The following ZDHHC14 variants were observed in gnomAD, a reference collection of about 807,000 sequenced individuals.
ZDHHC14 encodes the protein palmitoyltransferase ZDHHC14.
Under a neutral mutation model 47.7 loss-of-function variants are expected in ZDHHC14, and 16 were observed. The ratio of observed to expected loss-of-function variants is 0.34; its 90% confidence interval spans 0.23 to 0.51. The LOEUF is 0.51. Among genes scored for constraint, ZDHHC14 ranks in the 20% least tolerant of loss-of-function variants. The pLI is 0.97. For missense variants in ZDHHC14, 515 were observed against 662.5 expected (o/e 0.78, Z 2.44); for synonymous variants, 293 against 278.9 (o/e 1.05, Z -0.50).
intron 1 of ZDHHC14, among the ~76,000 whole-genome samples, chr6:157,401,560 G>A (rs530035854): frequency 5.3e-5 from 8 of 151,212 alleles, no homozygotes; most frequent in Non-Finnish European, 1.0e-4. Flanking sequence ...CTCCTGCTGA[G>A]GTCTCACTGC....
chr6:157,648,895 C>A (rs181309245), intron 7 of ZDHHC14, among the ~76,000 whole-genome samples: 1 of 152,242 alleles, frequency 6.6e-6, no homozygotes, highest in Non-Finnish European at 1.5e-5. Context: ...CTCTTTCCCC[C>A]ACCTGCAGTG....
At chr6:157,494,518 A>T (rs1292760531) in intron 1 of ZDHHC14, among the ~76,000 whole-genome samples, 1 of 152,212 alleles carries the variant, frequency 6.6e-6, no homozygotes, top group African/African-American at 2.4e-5. Context: ...AGGAAACAAC[A>T]TGTGGCCTGG....
intron 2 of ZDHHC14, among the ~76,000 whole-genome samples, chr6:157,568,229 T>C (rs1782978022): frequency 1.3e-5 from 2 of 152,148 alleles, no homozygotes; most frequent in East Asian, 3.8e-4. Flanking sequence ...GATAGTTTTT[T>C]CTCACTACAA....
chr6:157,537,972 A>C (rs1781601389), intron 1 of ZDHHC14, among the ~76,000 whole-genome samples: 1 of 152,196 alleles, frequency 6.6e-6, no homozygotes, highest in Non-Finnish European at 1.5e-5. Context: ...TGTCTTTACC[A>C]CAAGGACTAC....
At chr6:157,575,736 A>G (rs1283659502) in intron 2 of ZDHHC14, among the ~76,000 whole-genome samples, 1 of 152,134 alleles carries the variant, frequency 6.6e-6, no homozygotes, top group African/African-American at 2.4e-5. Flanking sequence ...TAAAACATAC[A>G]CAGTGTGCAG....
At position 157,427,378 on chromosome 6, in the gene ZDHHC14, G is replaced by A. The variant is rs1036912866; in HGVS notation, c.245+45112G>A. 1.3e-5 allele frequency among the ~76,000 whole-genome samples: 2 copies of A among 152,130 alleles called. No homozygotes were observed. The highest frequency in any genetic ancestry group is 1.5e-5 in the Non-Finnish European group (1 of 68,026). On this transcript the variant is annotated intron_variant, in intron 1 of 8. Coordinates refer to ENST00000359775, the MANE Select transcript of ZDHHC14 (RefSeq NM_024630.3). This position sits in a 1 kb window ranked among gnomAD's most constrained non-coding sequence, Gnocchi z 4.4. ...GAAGGGAAAGTGTCTACAGAGATGC[G>A]CAGGATGCAGGGCCCCGAGGACTGG... is the stretch of plus-strand genomic sequence containing the variant.
At chr6:157,517,321 C>CTCT (rs72212029) in intron 1 of ZDHHC14, among the ~76,000 whole-genome samples, 1 of 145,960 alleles carries the variant, frequency 6.9e-6, no homozygotes, top group African/African-American at 2.5e-5. Context: ...TATAGTATCT[C>CTCT]TTTTTTTTTT....
intron 1 of ZDHHC14, among the ~76,000 whole-genome samples, chr6:157,469,706 A>G (rs554313556): frequency 2.6e-5 from 4 of 152,300 alleles, no homozygotes; most frequent in South Asian, 4.1e-4. Flanking sequence ...CTGCACCTGC[A>G]ATTAGGTGCT....
chr6:157,613,477 CA>C (rs1442072031), intron 3 of ZDHHC14, among the ~76,000 whole-genome samples: 2 of 152,118 alleles, frequency 1.3e-5, no homozygotes, highest in African/African-American at 4.8e-5. Context: ...CTGAGTAGGC[CA>C]AGGATTCCAT....
intron 1 of ZDHHC14, among the ~76,000 whole-genome samples, chr6:157,500,014 A>T (rs947634605): frequency 6.6e-6 from 1 of 152,078 alleles, no homozygotes; most frequent in Non-Finnish European, 1.5e-5. Context: ...GTATAACATA[A>T]TATCAGATTA....
At chr6:157,618,799 C>CA (rs1430145066) in intron 3 of ZDHHC14, among the ~76,000 whole-genome samples, 8 of 152,252 alleles carry the variant, frequency 5.3e-5, no homozygotes, top group Admixed American at 5.2e-4. Flanking sequence ...GATGACCCTC[C>CA]ACACACTATA....
intron 2 of ZDHHC14, among the ~76,000 whole-genome samples, chr6:157,564,353 T>A (rs898818844): frequency 2.6e-5 from 4 of 151,966 alleles, no homozygotes; most frequent in African/African-American, 4.8e-5. Flanking sequence ...AGAAGTGGGG[T>A]TGGGGGGAAG....
At chr6:157,599,388 ACT>A (rs1487680203) in intron 3 of ZDHHC14, among the ~76,000 whole-genome samples, 2 of 152,084 alleles carry the variant, frequency 1.3e-5, no homozygotes, top group African/African-American at 2.4e-5. Flanking sequence ...TCTCGACGAA[ACT>A]CTGACTGTCT....
intron 5 of ZDHHC14, among the ~76,000 whole-genome samples, chr6:157,638,839 G>T (rs1158928719): frequency 6.6e-6 from 1 of 151,818 alleles, no homozygotes; most frequent in African/African-American, 2.4e-5. Flanking sequence ...GAGAGGCAGT[G>T]GCAGGGACCT....
intron 3 of ZDHHC14, among the ~76,000 whole-genome samples, chr6:157,601,380 C>T (rs1784330797): frequency 6.6e-6 from 1 of 152,008 alleles, no homozygotes; most frequent in African/African-American, 2.4e-5. Flanking sequence ...AAATATATAA[C>T]TATCAAAAAA....
chr6:157,525,305 C>T (rs562188583), intron 1 of ZDHHC14, among the ~76,000 whole-genome samples: 24 of 152,286 alleles, frequency 1.6e-4, no homozygotes, highest in Admixed American at 1.3e-3. Context: ...GGACTACAGG[C>T]GTGCATCACC....
intron 1 of ZDHHC14, among the ~76,000 whole-genome samples, chr6:157,520,253 T>G (rs1780866573): frequency 6.6e-6 from 1 of 152,206 alleles, no homozygotes; most frequent in African/African-American, 2.4e-5. Flanking sequence ...CCCCCTCTGC[T>G]CTTGCCCACA....
intron 2 of ZDHHC14, among the ~76,000 whole-genome samples, chr6:157,584,903 C>T (rs939137175): frequency 1.3e-5 from 2 of 152,284 alleles, no homozygotes; most frequent in South Asian, 2.1e-4. Flanking sequence ...ATAAAAATCT[C>T]CTTGAAAAAT....
chr6:157,635,644 C>T (rs1051988496), intron 5 of ZDHHC14, among the ~76,000 whole-genome samples: 17 of 152,208 alleles, frequency 1.1e-4, no homozygotes, highest in Non-Finnish European at 1.6e-4. Context: ...TGAGAGCACA[C>T]GTCTGCACGC....
Sources: gnomAD v4.1 joint callset for allele counts (sites outside exome capture counted in the v4.1 genomes callset) on GRCh38, gnomAD v4.1.1 for gene constraint, Gnocchi (gnomAD v3.1) non-coding constraint, MANE v1.5 for transcripts, NCBI Gene and HGNC (gene_info 2026-07-23, HGNC 2026-07-21) for gene names.